ANKDD1B: variants seen among roughly 807,000 people sequenced by gnomAD.
The protein encoded by ANKDD1B is ankyrin repeat and death domain-containing protein 1B.
A neutral mutation model predicts 59.7 loss-of-function variants in ANKDD1B; 57 were observed. The ratio of observed to expected loss-of-function variants is 0.95; its 90% CI spans 0.77 to 1.19. The LOEUF is 1.19. Ranked by LOEUF, ANKDD1B falls within the 50% of genes most tolerant of loss-of-function variation. The pLI is 0.00. For synonymous variants in ANKDD1B, 216 were observed against 239.5 expected (o/e 0.90, Z 0.91); for missense variants, 602 against 641.9 (o/e 0.94, Z 0.67).
intron 9 of ANKDD1B, among the ~76,000 whole-genome samples, chr5:75,656,849 G>C (rs1774992684): frequency 6.6e-6 from 1 of 152,228 alleles, no homozygotes. Flanking sequence ...CTTCCGGCTA[G>C]GGAGGAGCCA....
At chr5:75,616,555 C>T (rs770705670) in intron 1 of ANKDD1B, among the ~76,000 whole-genome samples, 3 of 152,126 alleles carry the variant, frequency 2.0e-5, no homozygotes, top group Non-Finnish European at 2.9e-5. Context: ...TCAGGGTGGT[C>T]CTCATGAATA....
intron 11 of ANKDD1B, 72 bp downstream of exon 11, chr5:75,663,561 G>C (rs987786519): frequency 8.2e-6 from 10 of 1,223,162 alleles, no homozygotes; most frequent in South Asian, 6.4e-5. Context: ...GGCAATGGGG[G>C]GGTCTGTGCC....
rs569255498 is a variant in ANKDD1B at position 75,657,645 on chromosome 5, A to G, written c.996+1518A>G. ...TTTTTGGGGCCGGGCGTGGTGGCTC[A>G]TGCCTGTAATCCCAACACTTTGGGA... On this transcript the variant is annotated intron_variant, in intron 9 of 13. Coordinates refer to ENST00000601380, the MANE Select transcript of ANKDD1B (RefSeq NM_001276713.2). Among the ~76,000 whole-genome samples, 1,254 of 152,278 alleles carry G rather than the reference A, an allele frequency of 8.2e-3. 8 individuals carry two copies. The highest frequency in any genetic ancestry group is 0.021 in the South Asian group (102 of 4,830).
At chr5:75,632,969 T>G (rs553587426) in intron 5 of ANKDD1B, among the ~76,000 whole-genome samples, 1 of 152,314 alleles carries the variant, frequency 6.6e-6, no homozygotes, top group Admixed American at 6.5e-5. Context: ...GACCAGATGT[T>G]TTCATCTGGT....
Position 75,616,889 on chromosome 5 carries a change from CATT to C in ANKDD1B, c.281_283del (p.Ile94del). 2.6e-6 allele frequency: 4 copies of C among 1,516,316 alleles called. No individual in the cohort carries two copies. The highest frequency in any genetic ancestry group is 3.5e-6 in the Non-Finnish European group (4 of 1,129,400). The allele number at this position is 1,516,316 out of a possible 1,614,324, so 93.9% of individuals were successfully genotyped here. A position where few individuals can be genotyped will look rare whatever the true frequency, so the allele number is the denominator to read the frequency against. On this transcript the variant is annotated inframe_deletion, in exon 2 of 14. Coordinates refer to ENST00000601380, the MANE Select transcript of ANKDD1B (RefSeq NM_001276713.2). ...AGAAGCTGTTTGAAAAGAAGGTTAA[CATT>C]AATGTTGTGAACAATGTGAGTAGAA... is the stretch of plus-strand genomic sequence containing the variant.
chr5:75,628,613 G>A (rs752157543), intron 5 of ANKDD1B, among the ~76,000 whole-genome samples: 1 of 152,206 alleles, frequency 6.6e-6, no homozygotes, highest in Non-Finnish European at 1.5e-5. Context: ...TACCTGCCAG[G>A]TTTGGTAAAA....
chr5:75,614,701 C>A (rs146479094), intron 1 of ANKDD1B, among the ~76,000 whole-genome samples: 1 of 152,216 alleles, frequency 6.6e-6, no homozygotes, highest in Admixed American at 6.5e-5. Context: ...CCATTGGATA[C>A]ACCTCAACTA....
At chr5:75,619,451 C>T (rs1355761992) in intron 2 of ANKDD1B, among the ~76,000 whole-genome samples, 34 of 152,152 alleles carry the variant, frequency 2.2e-4, no homozygotes, top group African/African-American at 3.1e-4. Context: ...TGCATATTCC[C>T]GTTGCAATGC....
At position 75,669,297 on chromosome 5, in the gene ANKDD1B, G is replaced by A. The variant is rs34358; in HGVS notation, c.1439G>A (p.Trp480Ter). 0.63 allele frequency: 776,382 copies of A among 1,231,656 alleles called. 247,114 individuals carry two copies. The highest frequency in any genetic ancestry group is 0.65 in the Non-Finnish European group (645,997 of 987,730). 76.3% of individuals were successfully genotyped at this position (1,231,656 alleles called of 1,614,324 possible). Residue 480 changes from tryptophan to a stop codon, truncating the protein, a stop_gained, in exon 13 of 14, where the codon TGG (tryptophan) becomes TAG (stop). Transcript: ENST00000601380. LOFTEE classifies it high-confidence loss of function. ...REHGHRALLIWLHGTLMTQGD... is the reference protein window; with the variant it reads ...REHGHRALLI Reference sequence around the variant, plus strand: ...CATGGCCACAGGGCTCTGCTTATCTGGCTACACGGGACCCTGATGACTCAG... The same window carrying A: ...CATGGCCACAGGGCTCTGCTTATCTAGCTACACGGGACCCTGATGACTCAG...
intron 2 of ANKDD1B, among the ~76,000 whole-genome samples, chr5:75,618,139 A>G (rs1773760804): frequency 6.6e-6 from 1 of 152,204 alleles, no homozygotes; most frequent in Non-Finnish European, 1.5e-5. Context: ...CAAGAAAGGA[A>G]GGAAAGGCAG....
At chr5:75,620,830 T>C (rs1773828140) in intron 3 of ANKDD1B, among the ~76,000 whole-genome samples, 1 of 152,060 alleles carries the variant, frequency 6.6e-6, no homozygotes, top group African/African-American at 2.4e-5. Flanking sequence ...ACACACAACT[T>C]TATGCCATCA....
chr5:75,617,916 T>C (rs1401382988), intron 2 of ANKDD1B, among the ~76,000 whole-genome samples: 1 of 152,054 alleles, frequency 6.6e-6, no homozygotes, highest in African/African-American at 2.4e-5. Context: ...GGAAGAATGT[T>C]GTGCATGTGG....
intron 7 of ANKDD1B, among the ~76,000 whole-genome samples, chr5:75,639,716 A>G (rs1242150288): frequency 6.6e-6 from 1 of 152,198 alleles, no homozygotes; most frequent in Non-Finnish European, 1.5e-5. Context: ...ATCATTAGGG[A>G]ATGGGGAAGG....
intron 7 of ANKDD1B, among the ~76,000 whole-genome samples, chr5:75,651,916 T>A (rs1316069909): frequency 6.6e-6 from 1 of 152,218 alleles, no homozygotes; most frequent in Non-Finnish European, 1.5e-5. Context: ...ACAACTGTCT[T>A]GCTGTATCCT....
At chr5:75,633,422 AT>A in intron 5 of ANKDD1B, among the ~76,000 whole-genome samples, 1 of 151,880 alleles carries the variant, frequency 6.6e-6, no homozygotes, top group East Asian at 1.9e-4. Flanking sequence ...TTATTTCAGC[AT>A]TTTTTCTTCC....
intron 5 of ANKDD1B, among the ~76,000 whole-genome samples, chr5:75,629,712 A>G (rs999704822): frequency 4.6e-5 from 7 of 152,046 alleles, no homozygotes; most frequent in Admixed American, 1.3e-4. Flanking sequence ...AGGTGGGAGG[A>G]TCTCTTGAGC....
At position 75,671,315 on chromosome 5, in the gene ANKDD1B, T is replaced by C. The variant is rs114970681; in HGVS notation, c.*275T>C. 8.5e-4 allele frequency: 210 copies of C among 247,628 alleles called. 2 individuals are homozygous for C. In the South Asian group the frequency reaches 0.035, roughly 41 times the overall value. The allele number at this position is 247,628 out of a possible 1,614,324, so 15.3% of individuals were successfully genotyped here. A position where few individuals can be genotyped will look rare whatever the true frequency, so the allele number is the denominator to read the frequency against. The stretch of plus-strand genomic sequence containing the variant: ...AATAAGATAATCTAGGACGGTTTTG[T>C]ATGTCATGTTTTTTTAAAAAACTCA... On this transcript the variant is annotated 3_prime_UTR_variant, in exon 14 of 14. Transcript: ENST00000601380.
At chr5:75,617,927 C>T (rs546508521) in intron 2 of ANKDD1B, among the ~76,000 whole-genome samples, 2 of 151,714 alleles carry the variant, frequency 1.3e-5, no homozygotes, top group East Asian at 1.9e-4. Context: ...GTGCATGTGG[C>T]GGCAGTAGGG....
At chr5:75,626,933 T>C (rs1246416923) in intron 5 of ANKDD1B, among the ~76,000 whole-genome samples, 1 of 152,228 alleles carries the variant, frequency 6.6e-6, no homozygotes, top group African/African-American at 2.4e-5. Context: ...AAAGTTTCTT[T>C]AGAAGCTGGT....
Sources: allele counts gnomAD v4.1 joint callset (sites outside exome capture counted in the v4.1 genomes callset), GRCh38; gene constraint gnomAD v4.1.1; transcripts MANE v1.5; gene names NCBI Gene and HGNC (gene_info 2026-07-23, HGNC 2026-07-21).